TTC28: variants seen among roughly 807,000 people sequenced by gnomAD.
The protein encoded by TTC28 is tetratricopeptide repeat protein 28.
In TTC28, 61 loss-of-function variants were observed where a neutral mutation model predicts 198.0. The ratio of observed to expected loss-of-function variants is 0.31; its 90% CI spans 0.25 to 0.38. The LOEUF is 0.38. Among genes scored for constraint, TTC28 ranks in the 10% least tolerant of loss-of-function variants. The pLI, the probability that TTC28 is intolerant of heterozygous loss-of-function variation, is 1.00. For missense variants in TTC28, 2,678 were observed against 3,164.0 expected, an observed-to-expected ratio of 0.85 and a Z score of 3.69; for synonymous variants, 1,171 against 1,297.8, an observed-to-expected ratio of 0.90 and a Z score of 2.10.
chr22:28,031,358 C>T (rs1012123783), intron 12 of TTC28, among the ~76,000 whole-genome samples: 2 of 152,184 alleles, frequency 1.3e-5, no homozygotes, highest in South Asian at 2.1e-4. Flanking sequence ...ACTGATACCT[C>T]GCCCCCAGAT....
intron 2 of TTC28, among the ~76,000 whole-genome samples, chr22:28,529,401 T>C (rs2049081749): frequency 6.6e-6 from 1 of 152,132 alleles, no homozygotes; most frequent in Non-Finnish European, 1.5e-5. Flanking sequence ...GTAAACAAAG[T>C]GGCCTGGAAG....
chr22:28,161,808 G>A (rs963013349), intron 6 of TTC28, among the ~76,000 whole-genome samples: 3 of 147,372 alleles, frequency 2.0e-5, no homozygotes, highest in Non-Finnish European at 4.5e-5. Context: ...AAGGGAGGGA[G>A]GGAAGGAGGG....
chr22:28,271,517 G>A (rs1197236024), intron 5 of TTC28, among the ~76,000 whole-genome samples: 1 of 152,174 alleles, frequency 6.6e-6, no homozygotes, highest in East Asian at 1.9e-4. Context: ...TAATTCCCAT[G>A]TGTTGTGGGA....
At chr22:28,295,222 G>C (rs1435704260) in intron 5 of TTC28, among the ~76,000 whole-genome samples, 2 of 152,138 alleles carry the variant, frequency 1.3e-5, no homozygotes, top group Non-Finnish European at 2.9e-5. Flanking sequence ...ACACGTAGTT[G>C]CTGGATCATT....
chr22:28,567,475 CATACATATATATATATATAT>C (rs1050814037), intron 2 of TTC28, among the ~76,000 whole-genome samples: 3 of 13,776 alleles, frequency 2.2e-4, no homozygotes, highest in Non-Finnish European at 3.5e-4. Context: ...CATATACATA[CATACATATATATATATATAT>C]ATATATATAT....
intron 13 of TTC28, among the ~76,000 whole-genome samples, chr22:28,018,289 G>C (rs1293990851): frequency 7.8e-6 from 1 of 128,882 alleles, no homozygotes; most frequent in African/African-American, 3.2e-5. Flanking sequence ...ATGTGTGTGC[G>C]CGCGTGTGTG....
chr22:28,649,720 C>A lies in TTC28; in HGVS notation c.103-19890G>T, dbSNP rs575805672. Among the ~76,000 whole-genome samples the A allele has an allele frequency of 2.0e-5, 3 of 152,268 alleles. No homozygotes were observed. In the East Asian group the frequency reaches 5.8e-4, roughly 29 times the overall value. Reference sequence around the variant, plus strand: ...TTCTTTTAAGGCTAATGGAGAAAATCATTTGGCTTGTTCAGTTATAATGAC... The same window carrying A: ...TTCTTTTAAGGCTAATGGAGAAAATAATTTGGCTTGTTCAGTTATAATGAC... On this transcript the variant is annotated intron_variant, in intron 1 of 22. Coordinates refer to ENST00000397906, the MANE Select transcript of TTC28 (RefSeq NM_001145418.2).
intron 6 of TTC28, among the ~76,000 whole-genome samples, chr22:28,126,742 G>T (rs1012169911): frequency 6.6e-6 from 1 of 152,172 alleles, no homozygotes; most frequent in African/African-American, 2.4e-5. Flanking sequence ...TGTCTTCCAT[G>T]GTCAAGTGAG....
chr22:28,027,684 T>G (rs1170883152), intron 13 of TTC28, among the ~76,000 whole-genome samples: 3 of 152,222 alleles, frequency 2.0e-5, no homozygotes, highest in Admixed American at 1.3e-4. Context: ...CTAGCCACTA[T>G]CAGCAATCTG....
intron 6 of TTC28, among the ~76,000 whole-genome samples, chr22:28,161,083 T>C (rs1442886080): frequency 6.6e-6 from 1 of 152,210 alleles, no homozygotes; most frequent in Non-Finnish European, 1.5e-5. Context: ...CAAATATTTT[T>C]ATATTAAACA....
chr22:28,491,523 T>C (rs2048378554), intron 2 of TTC28, among the ~76,000 whole-genome samples: 2 of 152,350 alleles, frequency 1.3e-5, no homozygotes, highest in African/African-American at 2.4e-5. Context: ...TCATCATCAC[T>C]GGCCATCAAA....
At chr22:28,320,265 T>G (rs2045424910) in intron 2 of TTC28, among the ~76,000 whole-genome samples, 1 of 133,194 alleles carries the variant, frequency 7.5e-6, no homozygotes. Context: ...ATTCTCTAGG[T>G]TTTTTTTTTT....
At chr22:28,018,243 C>CGGTGTGTGTGTG (rs1938445137) in intron 13 of TTC28, among the ~76,000 whole-genome samples, 1 of 91,190 alleles carries the variant, frequency 1.1e-5, no homozygotes. Context: ...TGCTGCTATT[C>CGGTGTGTGTGTG]AGTGTGTGTG....
intron 22 of TTC28, 42 bp from the exon 23 acceptor site, chr22:27,983,893 T>A (rs749488273): frequency 6.6e-7 from 1 of 1,505,538 alleles, no homozygotes; most frequent in Non-Finnish European, 8.8e-7. Flanking sequence ...GTTAGAATTC[T>A]ATATGGTTTT....
intron 6 of TTC28, among the ~76,000 whole-genome samples, chr22:28,138,636 T>C (rs991218018): frequency 6.6e-6 from 1 of 152,180 alleles, no homozygotes; most frequent in Non-Finnish European, 1.5e-5. Context: ...CAGCCCTGGC[T>C]TTAATAGTTT....
intron 5 of TTC28, among the ~76,000 whole-genome samples, chr22:28,288,769 C>CGCTACTGCACTACAGCCTGG (rs2044734593): frequency 6.7e-6 from 1 of 149,528 alleles, no homozygotes; most frequent in Admixed American, 6.7e-5. Context: ...GCCGAGATCA[C>CGCTACTGCACTACAGCCTGG]GCTACTGCAC....
chr22:28,528,719 GAGCA>G (rs536502483), intron 2 of TTC28, among the ~76,000 whole-genome samples: 429 of 121,368 alleles, frequency 3.5e-3, no homozygotes, highest in Non-Finnish European at 5.3e-3. Context: ...TTGGGCAACA[GAGCA>G]AGACCCTGTC....
intron 2 of TTC28, among the ~76,000 whole-genome samples, chr22:28,406,752 G>A (rs2047003082): frequency 6.6e-6 from 1 of 152,174 alleles, no homozygotes. Flanking sequence ...ACCTGGGTGA[G>A]TCTGTGCTCG....
At chr22:28,671,664 T>C (rs371933646) in intron 1 of TTC28, among the ~76,000 whole-genome samples, 1 of 147,596 alleles carries the variant, frequency 6.8e-6, no homozygotes, top group African/African-American at 2.5e-5. Flanking sequence ...ATTTCTTCCA[T>C]TATGTGGATT....
Sources: allele counts gnomAD v4.1 joint callset (sites outside exome capture counted in the v4.1 genomes callset), GRCh38; gene constraint gnomAD v4.1.1; transcripts MANE v1.5; gene names NCBI Gene and HGNC (gene_info 2026-07-23, HGNC 2026-07-21).